The following PTPRG variants were observed in gnomAD, a reference collection of about 807,000 sequenced individuals.
PTPRG encodes the protein receptor-type tyrosine-protein phosphatase gamma.
A neutral mutation model predicts 165.3 loss-of-function variants in PTPRG; 102 were observed. That is an observed-to-expected ratio of 0.62 (90% CI 0.53 to 0.73). PTPRG has a LOEUF of 0.73. Among genes scored for constraint, PTPRG ranks in the 30% least tolerant of loss-of-function variants. The pLI, the probability that PTPRG is intolerant of heterozygous loss-of-function variation, is 0.00. For synonymous variants in PTPRG, 675 were observed against 669.5 expected, an observed-to-expected ratio of 1.01 and a Z score of -0.13; for missense variants, 1,866 against 1,861.4, an observed-to-expected ratio of 1.00 and a Z score of -0.05.
intron 5 of PTPRG, among the ~76,000 whole-genome samples, chr3:62,113,702 G>A (rs766207440): frequency 6.6e-5 from 10 of 152,084 alleles, no homozygotes; most frequent in South Asian, 4.1e-4. Context: ...TTCTGCTGTC[G>A]GAAGTTTTAA....
At chr3:61,621,051 A>ATATATATATATATATATGTGTGTGTGTG in intron 1 of PTPRG, among the ~76,000 whole-genome samples, 192 of 117,886 alleles carry the variant, frequency 1.6e-3, no homozygotes, top group South Asian at 4.4e-3. Flanking sequence ...ATATATATAT[A>ATATATATATATATATATGTGTGTGTGTG]TGTGTGTGTG....
At chr3:61,584,311 C>T (rs577551209) in intron 1 of PTPRG, among the ~76,000 whole-genome samples, 3 of 152,286 alleles carry the variant, frequency 2.0e-5, no homozygotes, top group Non-Finnish European at 2.9e-5. Flanking sequence ...GAATGCTGAG[C>T]TGTGTGTCTG....
At chr3:61,683,273 G>A (rs149070665) in intron 1 of PTPRG, among the ~76,000 whole-genome samples, 3,190 of 152,328 alleles carry the variant, frequency 0.021, 46 homozygotes, top group Non-Finnish European at 0.034. Context: ...GGAAACTCTG[G>A]GTAAGGCCAG....
chr3:61,587,960 A>T (rs1382676030), intron 1 of PTPRG, among the ~76,000 whole-genome samples: 7 of 148,942 alleles, frequency 4.7e-5, no homozygotes, highest in East Asian at 2.0e-4. Flanking sequence ...CAGCTGTCCC[A>T]TTTTTTTTTT....
intron 4 of PTPRG, among the ~76,000 whole-genome samples, chr3:62,008,165 T>C (rs562994314): frequency 6.6e-6 from 1 of 152,344 alleles, no homozygotes; most frequent in Admixed American, 6.5e-5. Flanking sequence ...TAAAGGTTCA[T>C]ATAACACTAA....
intron 2 of PTPRG, among the ~76,000 whole-genome samples, chr3:61,842,684 C>CAAAAAAA (rs199500194): frequency 2.1e-4 from 25 of 121,568 alleles, no homozygotes; most frequent in African/African-American, 5.6e-4. Context: ...GTATGTGTGG[C>CAAAAAAA]AAAAAAAAAA....
At chr3:61,873,401 A>C (rs2037637938) in intron 2 of PTPRG, among the ~76,000 whole-genome samples, 1 of 152,232 alleles carries the variant, frequency 6.6e-6, no homozygotes, top group Admixed American at 6.5e-5. Context: ...ATACAGAAAT[A>C]GAAAAATATG....
At chr3:61,759,902 C>A (rs887359218) in intron 2 of PTPRG, among the ~76,000 whole-genome samples, 10 of 151,998 alleles carry the variant, frequency 6.6e-5, no homozygotes, top group African/African-American at 2.4e-4. Context: ...AGAGATAGGA[C>A]TGACCTCAGT....
intron 28 of PTPRG, among the ~76,000 whole-genome samples, chr3:62,285,912 G>A (rs920310216): frequency 4.6e-5 from 7 of 152,108 alleles, no homozygotes; most frequent in African/African-American, 1.4e-4. Flanking sequence ...CTACTGGATA[G>A]CATAATAATA....
chr3:61,615,037 A>G (rs942853827), intron 1 of PTPRG, among the ~76,000 whole-genome samples: 5 of 152,200 alleles, frequency 3.3e-5, no homozygotes, highest in Non-Finnish European at 7.3e-5. Flanking sequence ...GTAACAACAT[A>G]AAAGAACTTT....
chr3:61,888,322 G>GTTTTTT (rs745595266), intron 2 of PTPRG, among the ~76,000 whole-genome samples: 20,059 of 148,824 alleles, frequency 0.13, 2,444 homozygotes, highest in African/African-American at 0.35. Flanking sequence ...AAAATGGGTT[G>GTTTTTT]TTTTTTTTGT....
intron 1 of PTPRG, among the ~76,000 whole-genome samples, chr3:61,650,482 G>T (rs7609954): frequency 0.17 from 25,607 of 152,118 alleles, 2,445 homozygotes; most frequent in African/African-American, 0.26. Flanking sequence ...GGGAAACTTG[G>T]CACCTGATTT....
At chr3:61,886,332 C>CT (rs2038035731) in intron 2 of PTPRG, among the ~76,000 whole-genome samples, 1 of 152,010 alleles carries the variant, frequency 6.6e-6, no homozygotes, top group African/African-American at 2.4e-5. Flanking sequence ...AAAAGTAAAC[C>CT]TTTCTGCATT....
rs992010517 is a variant in PTPRG at position 62,228,228 on chromosome 3, CAAAG to C, written c.2289-2993_2289-2990del. ...TGTTTGGACTGTATTTTTTACAAAA[CAAAG>C]AAAAAGGAGGCTGGGCGCGGTGGCT... On this transcript the variant is annotated intron_variant, in intron 13 of 29. Coordinates refer to ENST00000474889, the MANE Select transcript of PTPRG (RefSeq NM_002841.4). This position sits in a 1 kb window ranked among gnomAD's most constrained non-coding sequence, Gnocchi z 4.1. Among the ~76,000 whole-genome samples, 10 of 151,964 alleles carry C rather than the reference CAAAG, an allele frequency of 6.6e-5. No homozygotes were observed. The highest frequency in any genetic ancestry group is 1.3e-4 in the Non-Finnish European group (9 of 67,956).
intron 2 of PTPRG, among the ~76,000 whole-genome samples, chr3:61,978,913 G>A (rs1575844632): frequency 6.6e-6 from 1 of 152,122 alleles, no homozygotes; most frequent in East Asian, 1.9e-4. Context: ...CGTAGATCTG[G>A]AATTGACTGT....
intron 2 of PTPRG, among the ~76,000 whole-genome samples, chr3:61,983,672 G>A (rs1315455293): frequency 6.6e-6 from 1 of 152,050 alleles, no homozygotes; most frequent in Non-Finnish European, 1.5e-5. Context: ...TCATATATAG[G>A]TATGTGAAAT....
At chr3:62,022,237 G>A (rs1197013857) in intron 4 of PTPRG, among the ~76,000 whole-genome samples, 3 of 152,116 alleles carry the variant, frequency 2.0e-5, no homozygotes, top group Non-Finnish European at 4.4e-5. Flanking sequence ...TACATTTTTT[G>A]TGAAATAAAA....
intron 2 of PTPRG, among the ~76,000 whole-genome samples, chr3:61,956,455 C>T (rs568622802): frequency 6.6e-6 from 1 of 152,132 alleles, no homozygotes; most frequent in Non-Finnish European, 1.5e-5. Context: ...AGCCTCACTA[C>T]TCACTGAAAA....
chr3:61,919,065 T>G (rs994893144), intron 2 of PTPRG, among the ~76,000 whole-genome samples: 3 of 152,302 alleles, frequency 2.0e-5, no homozygotes, highest in Non-Finnish European at 4.4e-5. Flanking sequence ...GTGCCTAAAA[T>G]GTTCCCAAAA....
Sources: allele counts gnomAD v4.1 joint callset (sites outside exome capture counted in the v4.1 genomes callset), GRCh38; gene constraint gnomAD v4.1.1; non-coding constraint Gnocchi (gnomAD v3.1); transcripts MANE v1.5; gene names NCBI Gene and HGNC (gene_info 2026-07-23, HGNC 2026-07-21).